The following OR5M3 variants were observed in gnomAD, a reference collection of about 807,000 sequenced individuals.
OR5M3 encodes the protein olfactory receptor 5M3.
For missense variants in OR5M3, 384 were observed against 378.6 expected (o/e 1.01, Z -0.12); for synonymous variants, 129 against 131.3 (o/e 0.98, Z 0.12).
intron 1 of OR5M3, among the ~76,000 whole-genome samples, 162 bp from the exon 2 acceptor site, chr11:56,470,703 C>T (rs1379247905): frequency 1.3e-5 from 2 of 152,090 alleles, no homozygotes; most frequent in Admixed American, 6.6e-5. Context: ...TGTAGACAGT[C>T]CCTATTATAT....
intron 1 of OR5M3, among the ~76,000 whole-genome samples, chr11:56,472,500 C>A (rs368065832): frequency 6.6e-6 from 1 of 151,962 alleles, no homozygotes; most frequent in Non-Finnish European, 1.5e-5. Flanking sequence ...TCAGCACAAA[C>A]AAGGATGTAG....
rs1210764518 is a variant in OR5M3, at chr11:56,470,190, A to G, written c.308T>C (p.Ile103Thr). The change falls in exon 2 of 2, where the codon ATT (isoleucine) becomes ACT (threonine). Residue 103 changes from isoleucine (I) to threonine (T), a missense_variant. Ile to Thr is a moderately conservative substitution (Grantham distance 89). Transcript: ENST00000641993. ...AGCLVQCFFF[I>T]ALVHVEIFIL... ...AAAAATTTCCACATGGACAAGAGCA[A>G]TGAAGAAGAAACACTGTACTAAACA... 6 of 1,613,724 alleles carry G rather than the reference A, an allele frequency of 3.7e-6. No homozygotes were observed. The highest frequency in any genetic ancestry group is 5.1e-6 in the Non-Finnish European group (6 of 1,179,614).
intron 1 of OR5M3, among the ~76,000 whole-genome samples, chr11:56,471,150 A>C (rs931176403): frequency 1.3e-5 from 2 of 152,032 alleles, no homozygotes; most frequent in Non-Finnish European, 2.9e-5. Context: ...CCCAACTCTA[A>C]CATGAAATTA....
Position 56,470,215 on chromosome 11 carries a change from A to G in OR5M3, c.283T>C (p.Cys95Arg). Residue 95 changes from cysteine (C) to arginine (R), a missense_variant, in exon 2 of 2, where the codon TGT (cysteine) becomes CGT (arginine). By Grantham distance (180) the Cys-to-Arg change is radical. Coordinates refer to ENST00000641993, the MANE Select transcript of OR5M3 (RefSeq NM_001004742.3). ...SDKKTITYAG[C>R]LVQCFFFIAL... ...ATGAAGAAGAAACACTGTACTAAAC[A>G]ACCAGCATAAGTAATTGTTTTTTTA... is the stretch of plus-strand genomic sequence containing the variant. 1 of 1,613,964 alleles carries G rather than the reference A, an allele frequency of 6.2e-7. No homozygotes were observed. Among genetic ancestry groups the G allele is most frequent in the Non-Finnish European group, 8.5e-7 (1 of 1,179,842 alleles).
chr11:56,471,904 C>T (rs937074681), intron 1 of OR5M3, among the ~76,000 whole-genome samples: 3 of 151,966 alleles, frequency 2.0e-5, no homozygotes, highest in African/African-American at 7.2e-5. Context: ...CTAGAGCAAA[C>T]AATTATTCCC....
Position 56,469,482 on chromosome 11 carries a change from TC to T in OR5M3, c.*91del, listed in dbSNP as rs2134833025. The T allele has an allele frequency of 1.5e-6, 1 of 671,512 alleles. No homozygotes were observed. Among genetic ancestry groups the T allele is most frequent in the East Asian group, 2.9e-5 (1 of 34,494 alleles). 41.6% of individuals were successfully genotyped at this position (671,512 alleles called of 1,614,324 possible). On this transcript the variant is annotated 3_prime_UTR_variant, in exon 2 of 2. Transcript: ENST00000641993. ...ATTTTTCTTTTCAACCCACAGAATA[TC>T]TTTATCTTAATGTTCCTAGGTACTG...
In OR5M3 at chr11:56,471,571, C is replaced by A. The variant is rs547407390; in HGVS notation, c.-44-1030G>T. Among the ~76,000 whole-genome samples, 16 of 151,970 alleles carry A rather than the reference C, an allele frequency of 1.1e-4. No individual in the cohort carries two copies. The South Asian group carries it at 3.3e-3, about 32-fold the overall frequency. On this transcript the variant is annotated intron_variant, in intron 1 of 1. Coordinates refer to ENST00000641993, the MANE Select transcript of OR5M3 (RefSeq NM_001004742.3). The stretch of plus-strand genomic sequence containing the variant: ...GTCAAATCTCTTAGTGATTCACAAT[C>A]TACCTAGTAAAGTTATTTACTGTAC...
chr11:56,472,522 G>A lies in OR5M3; in HGVS notation c.-45+699C>T, dbSNP rs528117086. Among the ~76,000 whole-genome samples, 8 of 152,130 alleles carry A rather than the reference G, an allele frequency of 5.3e-5. No individual in the cohort carries two copies. The South Asian group carries it at 1.7e-3, about 32-fold the overall frequency. ...AAACAAGGATGTAGAAGATGGCATTGTTAGTACTCCCCTCAAGCTAAATAC... is the reference window on the plus strand; with the variant it reads ...AAACAAGGATGTAGAAGATGGCATTATTAGTACTCCCCTCAAGCTAAATAC... On this transcript the variant is annotated intron_variant, in intron 1 of 1. Coordinates refer to ENST00000641993, the MANE Select transcript of OR5M3 (RefSeq NM_001004742.3).
chr11:56,471,124 T>C (rs1853663093), intron 1 of OR5M3, among the ~76,000 whole-genome samples: 1 of 152,066 alleles, frequency 6.6e-6, no homozygotes, highest in African/African-American at 2.4e-5. Context: ...ATATAAACAT[T>C]TCCTGGATAT....
intron 1 of OR5M3, 127 bp downstream of exon 1, chr11:56,473,094 T>G (rs1409184353): frequency 6.6e-6 from 1 of 152,116 alleles, no homozygotes; most frequent in Non-Finnish European, 1.5e-5. Context: ...TGTATCTCTC[T>G]TTTGTGTATC....
Position 56,470,004 on chromosome 11 carries a change from T to C in OR5M3, c.494A>G (p.Tyr165Cys), listed in dbSNP as rs754747274. ...GTTGATCTCAATTTTTCCACAGAAG[T>C]ACAAGCCGTAAGTCCATAATGTTGC... ...LAATLWTYGL[Y>C]FCGKIEINHF... The change falls in exon 2 of 2, where the codon TAC (tyrosine) becomes TGC (cysteine). Residue 165 changes from tyrosine to cysteine, a missense_variant. Transcript: ENST00000641993. 4 of 1,613,626 alleles carry C rather than the reference T, an allele frequency of 2.5e-6. No individual in the cohort carries two copies. The highest frequency in any genetic ancestry group is 1.7e-4 in the Middle Eastern group (1 of 6,060).
Position 56,469,818 on chromosome 11 carries a change from C to A in OR5M3, c.680G>T (p.Arg227Leu), listed in dbSNP as rs144814707. Reference protein sequence around the residue: ...LFILIAILRMRSAEGRQKAFS... With the variant: ...LFILIAILRMLSAEGRQKAFS... Reference sequence around the variant, plus strand: ...GGCCTTCTGCCTTCCTTCTGCTGAGCGCATTCGCAGAATGGCAATGAGGAT... The same window carrying A: ...GGCCTTCTGCCTTCCTTCTGCTGAGAGCATTCGCAGAATGGCAATGAGGAT... Residue 227 changes from arginine to leucine, a missense_variant, in exon 2 of 2, where the codon CGC becomes CTC. By Grantham distance (102) the Arg-to-Leu change is moderately radical. Coordinates refer to ENST00000641993, the MANE Select transcript of OR5M3 (RefSeq NM_001004742.3). 1 of 1,608,528 alleles carries A rather than the reference C, an allele frequency of 6.2e-7. No individual in the cohort carries two copies. The highest frequency in any genetic ancestry group is 8.5e-7 in the Non-Finnish European group (1 of 1,174,982).
rs371770735 is a variant in OR5M3 at position 56,469,875 on chromosome 11, G to T, written c.623C>A (p.Ser208Tyr). 1.2e-6 allele frequency: 2 copies of T among 1,613,050 alleles called. No homozygotes were observed. The highest frequency in any genetic ancestry group is 1.1e-5 in the South Asian group (1 of 91,060). The change falls in exon 2 of 2, where the codon TCC becomes TAC. Residue 208 changes from serine to tyrosine, a missense_variant. Ser to Tyr is a moderately radical substitution (Grantham distance 144, BLOSUM62 -2). Transcript: ENST00000641993. ...GTAAGAGATGATAATTACAGTCAGG[G>T]AATATGTGAAGTTAATGCCGGCAAG... ...IILAGINFTY[S>Y]LTVIIISYLF...
At chr11:56,471,780 C>A (rs1853669892) in intron 1 of OR5M3, among the ~76,000 whole-genome samples, 1 of 151,968 alleles carries the variant, frequency 6.6e-6, no homozygotes, top group African/African-American at 2.4e-5. Context: ...CATTCACATT[C>A]TGCAGAACAG....
intron 1 of OR5M3, among the ~76,000 whole-genome samples, chr11:56,472,714 C>T (rs1853679818): frequency 1.3e-5 from 2 of 152,048 alleles, no homozygotes; most frequent in Admixed American, 1.3e-4. Context: ...TTTAAAAATA[C>T]ACACATGACC....
rs1278619681 is a variant in OR5M3 at position 56,472,927 on chromosome 11, G to A, written c.-45+294C>T. ...GTTTTGTTTTGCTTTTACTTTTTATGTTCCTCAGTAGGACTTAATGATAAT... is the reference window on the plus strand; with the variant it reads ...GTTTTGTTTTGCTTTTACTTTTTATATTCCTCAGTAGGACTTAATGATAAT... On this transcript the variant is annotated intron_variant, in intron 1 of 1. Transcript: ENST00000641993. Among the ~76,000 whole-genome samples the A allele has an allele frequency of 2.6e-5, 4 of 151,912 alleles. No homozygotes were observed. The East Asian group carries it at 7.7e-4, about 29-fold the overall frequency.
chr11:56,470,869 T>C (rs912317454), intron 1 of OR5M3, among the ~76,000 whole-genome samples: 3 of 152,098 alleles, frequency 2.0e-5, no homozygotes, highest in Admixed American at 2.0e-4. Flanking sequence ...CAATGGATTA[T>C]AGTTATTTTC....
chr11:56,471,454 A>T (rs1196286042), intron 1 of OR5M3, among the ~76,000 whole-genome samples: 10 of 151,970 alleles, frequency 6.6e-5, no homozygotes, highest in Non-Finnish European at 1.3e-4. Flanking sequence ...TTATATTTCT[A>T]AGAAAACATT....
chr11:56,469,428 C>CT lies in OR5M3; in HGVS notation c.*145dup. The CT allele has an allele frequency of 1.9e-6, 1 of 528,512 alleles. No homozygotes were observed. The highest frequency in any genetic ancestry group is 3.4e-6 in the Non-Finnish European group (1 of 295,872). 32.7% of individuals were successfully genotyped at this position (528,512 alleles called of 1,614,324 possible). On this transcript the variant is annotated 3_prime_UTR_variant, in exon 2 of 2. Transcript: ENST00000641993. ...CATCAACAGAAATGAATCATTCCTC[C>CT]TTATATTTTCTCAATTTGTACCACT...
Sources: gnomAD v4.1 joint callset for allele counts (sites outside exome capture counted in the v4.1 genomes callset) on GRCh38, gnomAD v4.1.1 for gene constraint, MANE v1.5 for transcripts, NCBI Gene and HGNC (gene_info 2026-07-23, HGNC 2026-07-21) for gene names.